Variants in FHIP1B observed in about 807,000 individuals in gnomAD.
The protein encoded by FHIP1B is FHF complex subunit HOOK-interacting protein 1B.
Under a neutral mutation model 82.2 loss-of-function variants are expected in FHIP1B, and 28 were observed. The observed-to-expected ratio is 0.34, with a 90% confidence interval of 0.25 to 0.47. The LOEUF is 0.47. FHIP1B is among the 20% of genes least tolerant of loss of function. The probability of loss-of-function intolerance (pLI) is 1.00; values close to 1 mark genes in which losing one functional copy is unlikely to be tolerated. For missense variants in FHIP1B, 1,110 were observed against 1,262.6 expected, an observed-to-expected ratio of 0.88 and a Z score of 1.83; for synonymous variants, 585 against 516.1, an observed-to-expected ratio of 1.13 and a Z score of -1.81.
intron 11 of FHIP1B, among the ~76,000 whole-genome samples, chr11:6,212,440 T>C (rs1847099157): frequency 6.6e-6 from 1 of 152,222 alleles, no homozygotes; most frequent in Non-Finnish European, 1.5e-5. Context: ...TATAGTTCAG[T>C]GACAATTTCA....
At chr11:6,230,136 A>C (rs566421088) in intron 1 of FHIP1B, among the ~76,000 whole-genome samples, 1 of 152,264 alleles carries the variant, frequency 6.6e-6, no homozygotes, top group East Asian at 1.9e-4. Context: ...CACACACAGC[A>C]AGGGTGACAA....
Position 6,211,474 on chromosome 11 carries a change from C to A in FHIP1B, c.*32G>T. The stretch of plus-strand genomic sequence containing the variant: ...CCTGTGCCCTAGCCCCAGCCCGGGC[C>A]ACCCATGGCCCTGATTGTCCATGGA... On this transcript the variant is annotated 3_prime_UTR_variant, in exon 12 of 12. Coordinates refer to ENST00000449352, the MANE Select transcript of FHIP1B (RefSeq NM_001098794.2). The A allele has an allele frequency of 6.5e-7, 1 of 1,532,422 alleles. No individual in the cohort carries two copies. The highest frequency in any genetic ancestry group is 2.3e-5 in the East Asian group (1 of 44,060). The allele number at this position is 1,532,422 out of a possible 1,614,324, so 94.9% of individuals were successfully genotyped here. A position where few individuals can be genotyped will look rare whatever the true frequency, so the allele number is the denominator to read the frequency against.
Position 6,217,707 on chromosome 11 carries a change from G to A in FHIP1B, c.1879C>T (p.Pro627Ser), listed in dbSNP as rs752380583. The A allele has an allele frequency of 6.8e-6, 11 of 1,612,292 alleles. No homozygotes were observed. Among genetic ancestry groups the A allele is most frequent in the Admixed American group, 3.3e-5 (2 of 59,892 alleles). The part of the protein sequence containing the change: ...RGRAGGAGEG[P>S]GHLPPPQLNG... The stretch of plus-strand genomic sequence containing the variant: ...AGCTGGGGAGGGGGCAGGTGACCAG[G>A]GCCCTCCCCTGCACCCCCAGCCCGC... Residue 627 changes from proline (P) to serine (S), a missense_variant, in exon 9 of 12, where the codon CCT (proline) becomes TCT (serine). Physicochemically the swap from Pro to Ser is moderately conservative, Grantham distance 74. Transcript: ENST00000449352.
chr11:6,222,473 G>A lies in FHIP1B; in HGVS notation c.1160C>T (p.Thr387Ile), dbSNP rs372557789. The change falls in exon 6 of 12, where the codon ACC becomes ATC. Residue 387 changes from threonine (T) to isoleucine (I), a missense_variant. By Grantham distance (89) the Thr-to-Ile change is moderately conservative. Transcript: ENST00000449352. ...GTTACTGCCAATACGAGCAACGAGG[G>A]TGTCGAGGATGGTGTGGGTGTCATG... ...HRHDTHTILDTLVARIGSNSR... is the reference protein window; with the variant it reads ...HRHDTHTILDILVARIGSNSR... The A allele has an allele frequency of 9.3e-6, 15 of 1,614,056 alleles. No individual in the cohort carries two copies. The highest frequency in any genetic ancestry group is 2.2e-5 in the East Asian group (1 of 44,866).
chr11:6,234,453 C>T (rs2133864220), intron 1 of FHIP1B, 91 bp downstream of exon 1: 1 of 153,718 alleles, frequency 6.5e-6, no homozygotes, highest in East Asian at 1.9e-4. Context: ...GCCAACCCCT[C>T]ACAACCAGTA....
chr11:6,232,013 A>T (rs1241541430), intron 1 of FHIP1B, among the ~76,000 whole-genome samples: 1 of 152,226 alleles, frequency 6.6e-6, no homozygotes, highest in Non-Finnish European at 1.5e-5. Flanking sequence ...TCATTCTCCT[A>T]GCACTTAGTA....
chr11:6,232,756 C>T (rs1289913992), intron 1 of FHIP1B, among the ~76,000 whole-genome samples: 2 of 152,106 alleles, frequency 1.3e-5, no homozygotes, highest in Non-Finnish European at 2.9e-5. Context: ...AACAGCCACA[C>T]CATCATCACT....
In FHIP1B at chr11:6,217,889, A is replaced by T; in HGVS notation, c.1697T>A (p.Val566Asp). ...REARRGVDRC[V>D]RACRTWSAPY... ...GGCAGACCAGGTACGGCAGGCTCGG[A>T]CACAGCGGTCCACACCACGACGTGC... Residue 566 changes from valine (V) to aspartate (D), a missense_variant, in exon 9 of 12, where the codon GTC (valine) becomes GAC (aspartate). By Grantham distance (152) the Val-to-Asp change is radical. Transcript: ENST00000449352. 1 of 1,613,314 alleles carries T rather than the reference A, an allele frequency of 6.2e-7. No homozygotes were observed. The highest frequency in any genetic ancestry group is 8.5e-7 in the Non-Finnish European group (1 of 1,180,006).
chr11:6,229,948 T>C (rs568569034), intron 1 of FHIP1B, among the ~76,000 whole-genome samples: 3 of 147,094 alleles, frequency 2.0e-5, no homozygotes, highest in South Asian at 2.1e-4. Context: ...CACCCTCTCA[T>C]GGTGTCCTTT....
Position 6,224,597 on chromosome 11 carries a change from C to G in FHIP1B, c.-81G>C. ...CTGGAGGTTTTCTCCACTTGTGTCTCCAGTCTGCTTCATCCGGTCTGTAGG... is the reference window on the plus strand; with the variant it reads ...CTGGAGGTTTTCTCCACTTGTGTCTGCAGTCTGCTTCATCCGGTCTGTAGG... On this transcript the variant is annotated 5_prime_UTR_variant, in exon 2 of 12. Transcript: ENST00000449352. 1.4e-6 allele frequency: 2 copies of G among 1,449,226 alleles called. No homozygotes were observed. The highest frequency in any genetic ancestry group is 1.9e-6 in the Non-Finnish European group (2 of 1,078,590). The allele number at this position is 1,449,226 out of a possible 1,614,324, so 89.8% of individuals were successfully genotyped here. A position where few individuals can be genotyped will look rare whatever the true frequency, so the allele number is the denominator to read the frequency against.
In FHIP1B at chr11:6,224,120, G is replaced by T. The variant is rs767933366; in HGVS notation, c.267C>A (p.Ala89=). The T allele has an allele frequency of 1.5e-5, 25 of 1,613,956 alleles. No homozygotes were observed. In the African/African-American group the frequency reaches 2.8e-4, roughly 18 times the overall value. The change falls in exon 3 of 12, where the codon GCC becomes GCA. Residue 89 remains alanine (A), a synonymous_variant. Coordinates refer to ENST00000449352, the MANE Select transcript of FHIP1B (RefSeq NM_001098794.2). ...LLAEDRAVPS[A]PTGPGPLLEF... is the part of the protein sequence containing the mutation. ...CCAGCAGGGGCCCAGGGCCTGTGGG[G>T]GCCGAGGGAACTGCACGGTCCTCTG...
In FHIP1B at chr11:6,215,159, G is replaced by A. The variant is rs1847190880; in HGVS notation, c.2216-248C>T. The A allele has an allele frequency of 4.1e-5, 15 of 369,158 alleles. No homozygotes were observed. The East Asian group carries it at 6.1e-4, about 15-fold the overall frequency. The allele number at this position is 369,158 out of a possible 1,614,324, so 22.9% of individuals were successfully genotyped here. A position where few individuals can be genotyped will look rare whatever the true frequency, so the allele number is the denominator to read the frequency against. Reference sequence around the variant, plus strand: ...GCTGACAAGCCAGATCTTAGGCTCTGGACTCTGAAAGATCTGGTTTCACTG... The same window carrying A: ...GCTGACAAGCCAGATCTTAGGCTCTAGACTCTGAAAGATCTGGTTTCACTG... On this transcript the variant is annotated intron_variant, in intron 9 of 11. Transcript: ENST00000449352.
intron 11 of FHIP1B, among the ~76,000 whole-genome samples, chr11:6,213,348 C>A (rs187436036): frequency 9.2e-5 from 14 of 152,374 alleles, no homozygotes; most frequent in Non-Finnish European, 1.5e-4. Flanking sequence ...CTACACTTCA[C>A]AACTACATTG....
At chr11:6,227,891 G>GGAGGTTGCCCATAGTGT (rs1393282035) in intron 1 of FHIP1B, among the ~76,000 whole-genome samples, 2 of 152,202 alleles carry the variant, frequency 1.3e-5, no homozygotes, top group African/African-American at 2.4e-5. Flanking sequence ...TCAAGAAACT[G>GGAGGTTGCCCATAGTGT]GAGGTTGCCC....
intron 1 of FHIP1B, among the ~76,000 whole-genome samples, chr11:6,229,295 C>A (rs1847639641): frequency 6.6e-6 from 1 of 152,218 alleles, no homozygotes; most frequent in South Asian, 2.1e-4. Flanking sequence ...GCTTCCTCAT[C>A]TATAAATTCC....
In FHIP1B at chr11:6,217,663, T is replaced by A; in HGVS notation, c.1923A>T (p.Ser641=). 1 of 1,613,980 alleles carries A rather than the reference T, an allele frequency of 6.2e-7. No homozygotes were observed. The highest frequency in any genetic ancestry group is 8.5e-7 in the Non-Finnish European group (1 of 1,180,002). The change falls in exon 9 of 12, where the codon TCA becomes TCT. Residue 641 remains serine, a synonymous_variant. Coordinates refer to ENST00000449352, the MANE Select transcript of FHIP1B (RefSeq NM_001098794.2). ...PPPQLNGVPG[S]WPEGAKKVRL... Reference sequence around the variant, plus strand: ...GAACCTTCTTGGCCCCCTCAGGCCATGATCCTGGCACTCCATTGAGCTGGG... The same window carrying A: ...GAACCTTCTTGGCCCCCTCAGGCCAAGATCCTGGCACTCCATTGAGCTGGG...
intron 11 of FHIP1B, 40 bp from the exon 12 acceptor site, chr11:6,211,907 G>T: frequency 6.6e-7 from 1 of 1,513,920 alleles, no homozygotes; most frequent in South Asian, 1.3e-5. Flanking sequence ...GCTGGGATCA[G>T]GGAACCTCCC....
chr11:6,212,509 A>G (rs1847101091), intron 11 of FHIP1B, among the ~76,000 whole-genome samples: 2 of 152,136 alleles, frequency 1.3e-5, no homozygotes, highest in Non-Finnish European at 2.9e-5. Flanking sequence ...CCACTTCACC[A>G]TTCACCAGTC....
chr11:6,223,111 C>G lies in FHIP1B; in HGVS notation c.905G>C (p.Ser302Thr). Residue 302 changes from serine (S) to threonine (T), a missense_variant, in exon 4 of 12, where the codon AGT (serine) becomes ACT (threonine). Ser to Thr is a moderately conservative substitution (Grantham distance 58). Coordinates refer to ENST00000449352, the MANE Select transcript of FHIP1B (RefSeq NM_001098794.2). The surrounding 1 kb of genome is among the most constrained non-coding windows in gnomAD (Gnocchi z 4.8). Reference sequence around the variant, plus strand: ...TACTGCATTGCAGAACTCCAGGGAACTCATGAAGAGTGCAAGGGCTGGCAC... The same window carrying G: ...TACTGCATTGCAGAACTCCAGGGAAGTCATGAAGAGTGCAAGGGCTGGCAC... ...LGVPALALFM[S>T]SLEFCNAVIQ... is the part of the protein sequence containing the mutation. 1 of 1,589,290 alleles carries G rather than the reference C, an allele frequency of 6.3e-7. No individual in the cohort carries two copies.
Sources: gnomAD v4.1 joint callset for allele counts (sites outside exome capture counted in the v4.1 genomes callset) on GRCh38, gnomAD v4.1.1 for gene constraint, Gnocchi (gnomAD v3.1) non-coding constraint, MANE v1.5 for transcripts, NCBI Gene and HGNC (gene_info 2026-07-23, HGNC 2026-07-21) for gene names.